Variants in MAP3K2 observed in about 807,000 individuals in gnomAD.
MAP3K2 encodes the protein mitogen-activated protein kinase kinase kinase 2, also known as MAP/ERK kinase kinase 2.
MAP3K2 carries 24 observed loss-of-function variants against 80.3 expected under a neutral mutation model. The ratio of observed to expected loss-of-function variants is 0.30; its 90% confidence interval spans 0.22 to 0.42. The LOEUF is 0.42. Among genes scored for constraint, MAP3K2 ranks in the 10% least tolerant of loss-of-function variants. MAP3K2 has a pLI of 1.00. For synonymous variants in MAP3K2, 244 were observed against 253.7 expected (o/e 0.96, Z 0.36); for missense variants, 608 against 750.1 (o/e 0.81, Z 2.21).
At chr2:127,379,834 T>G (rs1687216658) in intron 1 of MAP3K2, among the ~76,000 whole-genome samples, 1 of 152,228 alleles carries the variant, frequency 6.6e-6, no homozygotes, top group Non-Finnish European at 1.5e-5. Context: ...AGACAAGATG[T>G]GTGAACCTAA....
rs1313742265 is a variant in MAP3K2, at chr2:127,301,413, G to GTCTAAATGCACTGATCACCTGTCCTTT, written c.*6139_*6165dup. On this transcript the variant is annotated 3_prime_UTR_variant, in exon 17 of 17. Transcript: ENST00000682094. ...TCAATAGTGGAAGTAACTTCTGGAT[G>GTCTAAATGCACTGATCACCTGTCCTTT]TCTAAATGCACTGATCACCTGTCCT... 3.3e-5 allele frequency: 5 copies of GTCTAAATGCACTGATCACCTGTCCTTT among 152,198 alleles called. No homozygotes were observed. The highest frequency in any genetic ancestry group is 7.3e-5 in the Non-Finnish European group (5 of 68,030). The allele number at this position is 152,198 out of a possible 1,614,324, so 9.4% of individuals were successfully genotyped here.
rs1685553607 is a variant in MAP3K2, at chr2:127,299,673, T to C, written c.*7906A>G. The stretch of plus-strand genomic sequence containing the variant: ...TTCTCAAAGAGAATTTAATGCTTTT[T>C]CTTGCAAGAGTATTTTAATTGAGCT... On this transcript the variant is annotated 3_prime_UTR_variant, in exon 17 of 17. Transcript: ENST00000682094. 6.6e-6 allele frequency: 1 copy of C among 152,206 alleles called. No homozygotes were observed. The highest frequency in any genetic ancestry group is 1.5e-5 in the Non-Finnish European group (1 of 68,002). The allele number at this position is 152,206 out of a possible 1,614,324, so 9.4% of individuals were successfully genotyped here. A position where few individuals can be genotyped will look rare whatever the true frequency, so the allele number is the denominator to read the frequency against.
rs1685562545 is a variant in MAP3K2, at chr2:127,300,111, C to T, written c.*7468G>A. ...CATAGATAAGTATAGTTTGTAAAAGCAAAAAGGTCCATTTAAGTCAGTAAT... is the reference window on the plus strand; with the variant it reads ...CATAGATAAGTATAGTTTGTAAAAGTAAAAAGGTCCATTTAAGTCAGTAAT... On this transcript the variant is annotated 3_prime_UTR_variant, in exon 17 of 17. Coordinates refer to ENST00000682094, the MANE Select transcript of MAP3K2 (RefSeq NM_001371910.2). 6.6e-6 allele frequency: 1 copy of T among 151,976 alleles called. No homozygotes were observed. The highest frequency in any genetic ancestry group is 2.4e-5 in the African/African-American group (1 of 41,408). The allele number at this position is 151,976 out of a possible 1,614,324, so 9.4% of individuals were successfully genotyped here. A position where few individuals can be genotyped will look rare whatever the true frequency, so the allele number is the denominator to read the frequency against.
intron 12 of MAP3K2, among the ~76,000 whole-genome samples, chr2:127,320,420 A>G (rs529275037): frequency 2.2e-4 from 34 of 152,144 alleles, no homozygotes; most frequent in African/African-American, 7.7e-4. Flanking sequence ...AAATAGATCA[A>G]TGGTGGGGGA....
intron 1 of MAP3K2, among the ~76,000 whole-genome samples, chr2:127,375,504 G>A (rs1016688628): frequency 6.6e-6 from 1 of 151,750 alleles, no homozygotes; most frequent in Non-Finnish European, 1.5e-5. Flanking sequence ...CTGCTTGCCA[G>A]GTTCAAGTGA....
At chr2:127,309,067 A>C (rs1685760630) in intron 15 of MAP3K2, among the ~76,000 whole-genome samples, 1 of 152,212 alleles carries the variant, frequency 6.6e-6, no homozygotes, top group African/African-American at 2.4e-5. Flanking sequence ...AAAAGGGCTA[A>C]GAATGAAGCT....
chr2:127,344,110 A>G (rs1322790167), intron 1 of MAP3K2, among the ~76,000 whole-genome samples: 1 of 152,220 alleles, frequency 6.6e-6, no homozygotes, highest in Non-Finnish European at 1.5e-5. Flanking sequence ...CAACTAGAAA[A>G]TAAGATGAAA....
Position 127,387,832 on chromosome 2 carries a change from G to A in MAP3K2, c.-446C>T, listed in dbSNP as rs1291973333. Reference sequence around the variant, plus strand: ...CGGGAGTGGCGACTCTGCGGACAGGGGCGCCGAGCGTCCTGGTCGTTGTTT... The same window carrying A: ...CGGGAGTGGCGACTCTGCGGACAGGAGCGCCGAGCGTCCTGGTCGTTGTTT... On this transcript the variant is annotated 5_prime_UTR_variant, in exon 1 of 17. Coordinates refer to ENST00000682094, the MANE Select transcript of MAP3K2 (RefSeq NM_001371910.2). 4.0e-5 allele frequency: 39 copies of A among 984,894 alleles called. No homozygotes were observed. The highest frequency in any genetic ancestry group is 4.6e-5 in the Non-Finnish European group (38 of 829,762). 61.0% of individuals were successfully genotyped at this position (984,894 alleles called of 1,614,324 possible).
In MAP3K2 at chr2:127,305,766, T is replaced by A. The variant is rs572821140; in HGVS notation, c.*1813A>T. 1 of 152,150 alleles carries A rather than the reference T, an allele frequency of 6.6e-6. No individual in the cohort carries two copies. The highest frequency in any genetic ancestry group is 2.1e-4 in the South Asian group (1 of 4,830). 9.4% of individuals were successfully genotyped at this position (152,150 alleles called of 1,614,324 possible). A position where few individuals can be genotyped will look rare whatever the true frequency, so the allele number is the denominator to read the frequency against. On this transcript the variant is annotated 3_prime_UTR_variant, in exon 17 of 17. Coordinates refer to ENST00000682094, the MANE Select transcript of MAP3K2 (RefSeq NM_001371910.2). ...ACTGCAAGTGGCCAAATTGCTGATA[T>A]CTTCATGTTTTATAGTAGCACAATT...
At position 127,317,490 on chromosome 2, in the gene MAP3K2, T is replaced by C. The variant is rs182048771; in HGVS notation, c.1326+139A>G. On this transcript the variant is annotated intron_variant, in intron 14 of 16. Transcript: ENST00000682094. ...GACAGAGGAAGAGGATAGAAAATAC[T>C]ACTCAGCTCTAATTTAAAACTCTTC... The C allele has an allele frequency of 7.4e-4, 452 of 608,630 alleles. 2 individuals are homozygous for C. The African/African-American group carries it at 7.4e-3, about 10-fold the overall frequency. The allele number at this position is 608,630 out of a possible 1,614,324, so 37.7% of individuals were successfully genotyped here.
chr2:127,339,733 C>T lies in MAP3K2; in HGVS notation c.5-683G>A, dbSNP rs893041186. Reference sequence around the variant, plus strand: ...AACTTTTAGACTCTTATAAATATACCAAAGATTTCCTTCTGAGACTAAAAC... The same window carrying T: ...AACTTTTAGACTCTTATAAATATACTAAAGATTTCCTTCTGAGACTAAAAC... On this transcript the variant is annotated intron_variant, in intron 2 of 16. Transcript: ENST00000682094. The surrounding 1 kb of genome is among the most constrained non-coding windows in gnomAD (Gnocchi z 4.2). 2.6e-5 allele frequency among the ~76,000 whole-genome samples: 4 copies of T among 152,038 alleles called. No homozygotes were observed. Among genetic ancestry groups the T allele is most frequent in the Non-Finnish European group, 4.4e-5 (3 of 67,994 alleles).
intron 1 of MAP3K2, among the ~76,000 whole-genome samples, chr2:127,343,471 C>T (rs1686538598): frequency 6.6e-6 from 1 of 152,152 alleles, no homozygotes; most frequent in Non-Finnish European, 1.5e-5. Flanking sequence ...GGCAGGAACT[C>T]TCCTGAAATC....
intron 1 of MAP3K2, among the ~76,000 whole-genome samples, chr2:127,377,052 T>A (rs1375467668): frequency 6.6e-6 from 1 of 150,430 alleles, no homozygotes; most frequent in Non-Finnish European, 1.5e-5. Context: ...TAGAGCGAGA[T>A]CCTGTCTCAA....
intron 4 of MAP3K2, 69 bp downstream of exon 4, chr2:127,337,669 T>C: frequency 1.1e-6 from 1 of 948,146 alleles, no homozygotes. Context: ...AAAAGAACCT[T>C]TCAAAAGCTT....
Position 127,305,791 on chromosome 2 carries a change from T to C in MAP3K2, c.*1788A>G, listed in dbSNP as rs1685685712. On this transcript the variant is annotated 3_prime_UTR_variant, in exon 17 of 17. Transcript: ENST00000682094. ...TCTTCATGTTTTATAGTAGCACAATTCTATTAGAGATAGTGGGGCCTTTCC... is the reference window on the plus strand; with the variant it reads ...TCTTCATGTTTTATAGTAGCACAATCCTATTAGAGATAGTGGGGCCTTTCC... The C allele has an allele frequency of 6.6e-6, 1 of 152,170 alleles. No homozygotes were observed. Among genetic ancestry groups the C allele is most frequent in the Non-Finnish European group, 1.5e-5 (1 of 68,026 alleles). 9.4% of individuals were successfully genotyped at this position (152,170 alleles called of 1,614,324 possible).
At position 127,307,836 on chromosome 2, in the gene MAP3K2, AAAC is replaced by A. The variant is rs762365772; in HGVS notation, c.1635-35_1635-33del. On this transcript the variant is annotated intron_variant, in intron 16 of 16. Transcript: ENST00000682094. This position sits in a 1 kb window ranked among gnomAD's most constrained non-coding sequence, Gnocchi z 5.4. ...AGAAACAAAAAGAAATACATTACAC[AAAC>A]AACAACATGAAAGAAAGCTAGTTAG... The A allele has an allele frequency of 3.1e-5, 44 of 1,430,612 alleles. No individual in the cohort carries two copies. The highest frequency in any genetic ancestry group is 7.4e-5 in the South Asian group (6 of 80,664). 88.6% of individuals were successfully genotyped at this position (1,430,612 alleles called of 1,614,324 possible). A position where few individuals can be genotyped will look rare whatever the true frequency, so the allele number is the denominator to read the frequency against.
chr2:127,388,259 C>G (rs1396897230), upstream of MAP3K2: 5 of 985,278 alleles, frequency 5.1e-6, no homozygotes, highest in South Asian at 4.7e-5. Flanking sequence ...TGGGTTGTCT[C>G]GAGCCTGCGG....
intron 1 of MAP3K2, among the ~76,000 whole-genome samples, chr2:127,361,331 A>AAAAAAG (rs1252315962): frequency 1.7e-4 from 25 of 150,024 alleles, no homozygotes; most frequent in African/African-American, 2.2e-4. Context: ...AAAAAAAAAA[A>AAAAAAG]AAATTAAAAG....
intron 1 of MAP3K2, among the ~76,000 whole-genome samples, chr2:127,368,341 G>A (rs180933691): frequency 1.2e-3 from 183 of 150,428 alleles, no homozygotes; most frequent in African/African-American, 4.1e-3. Flanking sequence ...AAAATAAGGC[G>A]GTCGGGCATG....
Sources: allele counts gnomAD v4.1 joint callset (sites outside exome capture counted in the v4.1 genomes callset), GRCh38; gene constraint gnomAD v4.1.1; non-coding constraint Gnocchi (gnomAD v3.1); transcripts MANE v1.5; gene names NCBI Gene and HGNC (gene_info 2026-07-23, HGNC 2026-07-21).